HDAC4: variants seen among roughly 807,000 people sequenced by gnomAD.
HDAC4 encodes the protein histone deacetylase 4.
In HDAC4, 16 loss-of-function variants were observed where a neutral mutation model predicts 135.1. That is an observed-to-expected ratio of 0.12 (90% CI 0.08 to 0.18). The LOEUF (loss-of-function observed/expected upper bound fraction) is 0.18, where lower values mean the gene tolerates loss of function less well. Among genes scored for constraint, HDAC4 ranks in the 10% least tolerant of loss-of-function variants. The pLI, the probability that HDAC4 is intolerant of heterozygous loss-of-function variation, is 1.00. For synonymous variants in HDAC4, 685 were observed against 653.4 expected (o/e 1.05, Z -0.74); for missense variants, 1,143 against 1,511.8 (o/e 0.76, Z 4.05).
At chr2:239,131,605 G>C (rs975113118) in intron 11 of HDAC4, among the ~76,000 whole-genome samples, 1 of 152,194 alleles carries the variant, frequency 6.6e-6, no homozygotes, top group African/African-American at 2.4e-5. Flanking sequence ...GGCTGGCTGC[G>C]GTCTGGTCCA....
intron 3 of HDAC4, among the ~76,000 whole-genome samples, chr2:239,218,098 C>T (rs2046744600): frequency 6.6e-6 from 1 of 152,056 alleles, no homozygotes; most frequent in Non-Finnish European, 1.5e-5. Context: ...GCTCAAAAAA[C>T]AAAAACAGAT....
intron 2 of HDAC4, among the ~76,000 whole-genome samples, chr2:239,318,708 A>C (rs1306072008): frequency 6.6e-6 from 1 of 151,536 alleles, no homozygotes; most frequent in Admixed American, 6.6e-5. Flanking sequence ...AAGGATGCAT[A>C]TCAATAAACA....
chr2:239,058,775 G>A (rs976807401), intron 24 of HDAC4, among the ~76,000 whole-genome samples: 2 of 152,252 alleles, frequency 1.3e-5, no homozygotes, highest in African/African-American at 2.4e-5. Flanking sequence ...TCCCACCATC[G>A]TGGGAGACTT....
chr2:239,358,243 G>C (rs1006425365), intron 1 of HDAC4, among the ~76,000 whole-genome samples: 9 of 152,136 alleles, frequency 5.9e-5, no homozygotes, highest in Non-Finnish European at 1.0e-4. Context: ...CAGTGACTCA[G>C]TAATCTGCTT....
chr2:239,139,098 AGATGCCTGGTTCCCGT>A lies in HDAC4; in HGVS notation c.978+570_978+585del, dbSNP rs2041170729. 6.6e-6 allele frequency among the ~76,000 whole-genome samples: 1 copy of A among 152,160 alleles called. No individual in the cohort carries two copies. The highest frequency in any genetic ancestry group is 1.5e-5 in the Non-Finnish European group (1 of 68,022). ...CAGGGGTGCTGAGCTCTGCGGTCTG[AGATGCCTGGTTCCCGT>A]GATGCCTGGAAAAGTTCCCCGCTCT... On this transcript the variant is annotated intron_variant, in intron 9 of 26. Transcript: ENST00000543185. The surrounding 1 kb of genome is among the most constrained non-coding windows in gnomAD (Gnocchi z 5.3).
At chr2:239,119,767 G>T (rs924222814) in intron 12 of HDAC4, among the ~76,000 whole-genome samples, 1 of 152,308 alleles carries the variant, frequency 6.6e-6, no homozygotes, top group East Asian at 1.9e-4. Context: ...GAGAGGCTGC[G>T]GGTCTCTCCG....
intron 2 of HDAC4, among the ~76,000 whole-genome samples, chr2:239,264,465 G>A (rs1007176133): frequency 3.3e-5 from 5 of 152,258 alleles, no homozygotes; most frequent in East Asian, 3.9e-4. Context: ...CTGGGCAGAT[G>A]CAGCGGTTTA....
At chr2:239,114,350 G>C (rs1209538974) in intron 13 of HDAC4, among the ~76,000 whole-genome samples, 2 of 152,216 alleles carry the variant, frequency 1.3e-5, no homozygotes, top group Non-Finnish European at 2.9e-5. Context: ...ATCCTACAGA[G>C]CTGTGGTTCC....
chr2:239,082,062 TCCCCCTTTC>T (rs1464926648), intron 21 of HDAC4, 31 bp downstream of exon 21: 1 of 1,539,440 alleles, frequency 6.5e-7, no homozygotes, highest in African/African-American at 1.4e-5. Context: ...CTCCCCGCAG[TCCCCCTTTC>T]CCCCCAGAGG....
chr2:239,234,703 C>T (rs1445632064), intron 3 of HDAC4, among the ~76,000 whole-genome samples: 3 of 152,200 alleles, frequency 2.0e-5, no homozygotes, highest in African/African-American at 7.2e-5. Flanking sequence ...GCAGCAGAGG[C>T]GGGCCCCAGG....
intron 4 of HDAC4, among the ~76,000 whole-genome samples, chr2:239,182,860 A>G (rs2044239905): frequency 6.6e-6 from 1 of 152,206 alleles, no homozygotes; most frequent in Non-Finnish European, 1.5e-5. Context: ...ACATCCTAGC[A>G]TCGTGAATAG....
intron 2 of HDAC4, among the ~76,000 whole-genome samples, chr2:239,312,466 T>C (rs1191269199): frequency 6.6e-6 from 1 of 152,140 alleles, no homozygotes; most frequent in Non-Finnish European, 1.5e-5. Context: ...GGCCCTTTCT[T>C]CCTCAATTGT....
intron 2 of HDAC4, among the ~76,000 whole-genome samples, chr2:239,278,084 G>A (rs377083150): frequency 5.9e-4 from 83 of 141,604 alleles, no homozygotes; most frequent in African/African-American, 2.0e-3. Flanking sequence ...CCCCGCTGGT[G>A]GAGGCCACCT....
At chr2:239,055,096 T>C (rs1237456424) in intron 24 of HDAC4, 2 of 412,922 alleles carry the variant, frequency 4.8e-6, no homozygotes, top group African/African-American at 4.1e-5. Flanking sequence ...TCCCCAGGAG[T>C]GGGGCTGGCA....
chr2:239,179,987 C>T lies in HDAC4; in HGVS notation c.340-3424G>A, dbSNP rs564448776. Among the ~76,000 whole-genome samples, 4 of 152,304 alleles carry T rather than the reference C, an allele frequency of 2.6e-5. No individual in the cohort carries two copies. The East Asian group carries it at 5.8e-4, about 22-fold the overall frequency. On this transcript the variant is annotated intron_variant, in intron 4 of 26. Coordinates refer to ENST00000543185, the MANE Select transcript of HDAC4 (RefSeq NM_001378414.1). The stretch of plus-strand genomic sequence containing the variant: ...CATGTGTGCTCCAGGTAACTGTGAG[C>T]GTGCAAGGGCGCTGCCCTTCTCTGT...
chr2:239,164,437 G>T (rs207462909), intron 5 of HDAC4, among the ~76,000 whole-genome samples: 2 of 152,230 alleles, frequency 1.3e-5, no homozygotes, highest in African/African-American at 2.4e-5. Flanking sequence ...GTCCTCCCCA[G>T]CTTGGCAGCT....
In HDAC4 at chr2:239,187,615, G is replaced by A. The variant is rs960785649; in HGVS notation, c.339+2218C>T. 7.7e-4 allele frequency among the ~76,000 whole-genome samples: 117 copies of A among 152,302 alleles called. 1 individual carries two copies. Among genetic ancestry groups the A allele is most frequent in the African/African-American group, 2.7e-3 (114 of 41,552 alleles). On this transcript the variant is annotated intron_variant, in intron 4 of 26. Coordinates refer to ENST00000543185, the MANE Select transcript of HDAC4 (RefSeq NM_001378414.1). The stretch of plus-strand genomic sequence containing the variant: ...GCTGCAGTTGCCCATGGTCAGGGCC[G>A]TGAGGGAGGCAAGACTGGCCTGTCC...
chr2:239,231,838 T>C (rs1472175955), intron 3 of HDAC4, among the ~76,000 whole-genome samples: 1 of 106,870 alleles, frequency 9.4e-6, no homozygotes, highest in Non-Finnish European at 1.8e-5. Flanking sequence ...ATGCCTGAGG[T>C]AGGCGTCCTC....
At chr2:239,266,157 C>T (rs2049714638) in intron 2 of HDAC4, among the ~76,000 whole-genome samples, 1 of 152,206 alleles carries the variant, frequency 6.6e-6, no homozygotes, top group Non-Finnish European at 1.5e-5. Flanking sequence ...CAGCCGGAGC[C>T]CACCACACTG....
Sources: allele counts gnomAD v4.1 joint callset (sites outside exome capture counted in the v4.1 genomes callset), GRCh38; gene constraint gnomAD v4.1.1; non-coding constraint Gnocchi (gnomAD v3.1); transcripts MANE v1.5; gene names NCBI Gene and HGNC (gene_info 2026-07-23, HGNC 2026-07-21).